C19orf47: variants seen among roughly 807,000 people sequenced by gnomAD.
C19orf47 encodes the protein uncharacterized protein C19orf47.
In C19orf47, 18 loss-of-function variants were observed where a neutral mutation model predicts 32.3. The observed-to-expected ratio is 0.56, with a 90% CI of 0.39 to 0.83. The LOEUF (loss-of-function observed/expected upper bound fraction) is 0.83, where lower values mean the gene tolerates loss of function less well. Ranked by LOEUF, C19orf47 falls within the 40% of genes least tolerant of loss-of-function variation. The probability of loss-of-function intolerance (pLI) is 0.00; values close to 1 mark genes in which losing one functional copy is unlikely to be tolerated. For missense variants in C19orf47, 484 were observed against 531.6 expected (o/e 0.91, Z 0.88); for synonymous variants, 202 against 211.1 (o/e 0.96, Z 0.37).
the C19orf47 span, among the ~76,000 whole-genome samples, chr19:40,309,743 T>C: frequency 6.6e-6 from 1 of 152,098 alleles, no homozygotes. Flanking sequence ...AGGAGCTTTT[T>C]CCAATAAGGA....
intron 2 of C19orf47, 61 bp downstream of exon 2, chr19:40,341,778 G>A: frequency 6.5e-7 from 1 of 1,534,328 alleles, no homozygotes; most frequent in Non-Finnish European, 8.7e-7. Flanking sequence ...CCCCCACCAA[G>A]GCCATACCTC....
chr19:40,338,099 G>A (rs2078100817), intron 2 of C19orf47, among the ~76,000 whole-genome samples: 1 of 151,882 alleles, frequency 6.6e-6, no homozygotes, highest in Admixed American at 6.6e-5. Flanking sequence ...TTTTGAGACA[G>A]GGTCTCCCTC....
At chr19:40,304,159 G>T in the C19orf47 span, among the ~76,000 whole-genome samples, 3 of 152,128 alleles carry the variant, frequency 2.0e-5, no homozygotes, top group Non-Finnish European at 2.9e-5. Flanking sequence ...ACACTAATCT[G>T]ATTTTTCTGT....
At chr19:40,326,298 AC>A (rs1165849801) in intron 7 of C19orf47, 35 bp downstream of exon 7, 1 of 1,611,558 alleles carries the variant, frequency 6.2e-7, no homozygotes, top group Non-Finnish European at 8.5e-7. Flanking sequence ...AGGGACATGG[AC>A]CCCGCAGGGA....
chr19:40,315,987 T>C (rs374158623), downstream of C19orf47, among the ~76,000 whole-genome samples: 4 of 147,964 alleles, frequency 2.7e-5, no homozygotes, highest in Non-Finnish European at 6.0e-5. Context: ...GTTCTAAAAA[T>C]AAAGTCTATT....
At chr19:40,318,290 AGTCTGCTCCCTGGG>A (rs1198124013), downstream of C19orf47, among the ~76,000 whole-genome samples, 4 of 152,158 alleles carry the variant, frequency 2.6e-5, no homozygotes, top group Non-Finnish European at 5.9e-5. Flanking sequence ...AGGATTCTGA[AGTCTGCTCCCTGGG>A]GTCAAACTCA....
chr19:40,299,794 G>A, the C19orf47 span, among the ~76,000 whole-genome samples: 3 of 152,148 alleles, frequency 2.0e-5, no homozygotes, highest in Non-Finnish European at 4.4e-5. Context: ...GGGAGGCCGA[G>A]GCAGGTGGAT....
At chr19:40,297,330 C>A in the C19orf47 span, among the ~76,000 whole-genome samples, 3 of 152,078 alleles carry the variant, frequency 2.0e-5, no homozygotes, top group Admixed American at 1.3e-4. Flanking sequence ...CTTTGGGAGG[C>A]CAAGGTGGGC....
At chr19:40,331,796 G>C (rs536763154) in intron 5 of C19orf47, among the ~76,000 whole-genome samples, 3 of 152,152 alleles carry the variant, frequency 2.0e-5, no homozygotes, top group Non-Finnish European at 4.4e-5. Context: ...CAACACTTTG[G>C]GGGGCCAAGG....
At chr19:40,301,752 G>A in the C19orf47 span, among the ~76,000 whole-genome samples, 5 of 151,574 alleles carry the variant, frequency 3.3e-5, no homozygotes, top group Non-Finnish European at 7.4e-5. Flanking sequence ...GGCTGAGGCA[G>A]GAGAATCACT....
At chr19:40,329,718 C>T (rs1264072172) in intron 5 of C19orf47, among the ~76,000 whole-genome samples, 2 of 152,072 alleles carry the variant, frequency 1.3e-5, no homozygotes, top group Admixed American at 6.6e-5. Flanking sequence ...AATAATATAC[C>T]CCAGCACTTC....
At chr19:40,336,861 A>G (rs2078076089) in intron 2 of C19orf47, among the ~76,000 whole-genome samples, 1 of 152,170 alleles carries the variant, frequency 6.6e-6, no homozygotes, top group Admixed American at 6.5e-5. Context: ...GTGGCTGGAA[A>G]GAAGCATCAT....
the C19orf47 span, among the ~76,000 whole-genome samples, chr19:40,313,949 G>GA: frequency 6.6e-6 from 1 of 151,576 alleles, no homozygotes; most frequent in Admixed American, 6.6e-5. Flanking sequence ...AAAAGGTATA[G>GA]AAAAAAAGAA....
chr19:40,325,051 C>T (rs958791049), intron 7 of C19orf47, among the ~76,000 whole-genome samples: 1 of 151,786 alleles, frequency 6.6e-6, no homozygotes, highest in Non-Finnish European at 1.5e-5. Context: ...AGGTGGATCA[C>T]CCGAGGTCAG....
chr19:40,325,683 A>G (rs1041932096), intron 7 of C19orf47, among the ~76,000 whole-genome samples: 3 of 152,340 alleles, frequency 2.0e-5, no homozygotes, highest in South Asian at 4.1e-4. Flanking sequence ...TGTGTTATGT[A>G]TGTACCTAGA....
intron 2 of C19orf47, among the ~76,000 whole-genome samples, chr19:40,340,975 C>CAAA (rs34578402): frequency 1.9e-5 from 2 of 102,906 alleles, no homozygotes; most frequent in Non-Finnish European, 1.9e-5. Flanking sequence ...GAGCCTGTCT[C>CAAA]AAAAAAAAAA....
At chr19:40,293,824 A>C in the C19orf47 span, among the ~76,000 whole-genome samples, 10 of 152,182 alleles carry the variant, frequency 6.6e-5, no homozygotes, top group South Asian at 2.1e-3. Flanking sequence ...AAGAACTTAG[A>C]AGCATAGCAG....
At chr19:40,295,598 G>A in the C19orf47 span, among the ~76,000 whole-genome samples, 1 of 151,468 alleles carries the variant, frequency 6.6e-6, no homozygotes, top group Non-Finnish European at 1.5e-5. Flanking sequence ...ACCATACCCG[G>A]ATAATTTTTG....
chr19:40,301,229 A>G, the C19orf47 span, among the ~76,000 whole-genome samples: 2 of 152,158 alleles, frequency 1.3e-5, no homozygotes, highest in East Asian at 3.9e-4. Flanking sequence ...CTGACAGATT[A>G]TAATTTTTTT....
Sources: allele counts gnomAD v4.1 joint callset (sites outside exome capture counted in the v4.1 genomes callset), GRCh38; gene constraint gnomAD v4.1.1; transcripts MANE v1.5; gene names NCBI Gene and HGNC (gene_info 2026-07-23, HGNC 2026-07-21).